The following BTRC variants were observed in gnomAD, a reference collection of about 807,000 sequenced individuals.
BTRC encodes F-box/WD repeat-containing protein 1A.
A neutral mutation model predicts 85.5 loss-of-function variants in BTRC; 42 were observed. The observed-to-expected ratio is 0.49, with a 90% CI of 0.38 to 0.64. The LOEUF (loss-of-function observed/expected upper bound fraction) is 0.64, where lower values mean the gene tolerates loss of function less well. Ranked by LOEUF, BTRC falls within the 30% of genes least tolerant of loss-of-function variation. The pLI, the probability that BTRC is intolerant of heterozygous loss-of-function variation, is 0.00. For missense variants in BTRC, 594 were observed against 743.5 expected (o/e 0.80, Z 2.34); for synonymous variants, 255 against 263.3 (o/e 0.97, Z 0.30).
At chr10:101,483,839 T>C (rs1945911309) in intron 4 of BTRC, among the ~76,000 whole-genome samples, 1 of 152,226 alleles carries the variant, frequency 6.6e-6, no homozygotes, top group Admixed American at 6.5e-5. Flanking sequence ...GCTTATTACT[T>C]GTCAACCTTC....
At chr10:101,397,680 C>G (rs1430110958) in intron 1 of BTRC, among the ~76,000 whole-genome samples, 3 of 152,186 alleles carry the variant, frequency 2.0e-5, no homozygotes, top group South Asian at 2.1e-4. Context: ...TTCCTTTCCT[C>G]TTTCCCCCAT....
chr10:101,447,315 C>T (rs987980586), intron 2 of BTRC, among the ~76,000 whole-genome samples: 1 of 152,146 alleles, frequency 6.6e-6, no homozygotes, highest in African/African-American at 2.4e-5. Context: ...ATGTTGGGAA[C>T]CACTGGCATT....
intron 2 of BTRC, among the ~76,000 whole-genome samples, chr10:101,449,985 A>G (rs958418247): frequency 2.9e-5 from 4 of 139,324 alleles, no homozygotes; most frequent in Non-Finnish European, 6.6e-5. Context: ...TACATTAAGC[A>G]GGATAAAAAT....
chr10:101,392,277 G>A (rs762301484), intron 1 of BTRC, among the ~76,000 whole-genome samples: 11 of 152,194 alleles, frequency 7.2e-5, no homozygotes, highest in Admixed American at 2.6e-4. Flanking sequence ...TGCACCCAGT[G>A]AAAACATTCT....
At chr10:101,537,523 G>A (rs1034459706) in intron 12 of BTRC, among the ~76,000 whole-genome samples, 31 of 152,000 alleles carry the variant, frequency 2.0e-4, no homozygotes, top group Admixed American at 1.4e-3. Flanking sequence ...GCGAGACTCC[G>A]TCTCAAAAAA....
chr10:101,472,211 T>G (rs1222723436), intron 3 of BTRC, among the ~76,000 whole-genome samples: 1 of 152,154 alleles, frequency 6.6e-6, no homozygotes, highest in Non-Finnish European at 1.5e-5. Context: ...TTTCTTTCCA[T>G]ATTTCATTTT....
At chr10:101,357,326 A>G (rs2134460225) in intron 1 of BTRC, among the ~76,000 whole-genome samples, 1 of 150,844 alleles carries the variant, frequency 6.6e-6, no homozygotes, top group East Asian at 2.0e-4. Context: ...CTGTAGTCCC[A>G]GCTACTCGGG....
chr10:101,389,117 GTGTTTTTTTTTTTTTTTTTTTTT>G lies in BTRC; in HGVS notation c.48+34891_48+34913del, dbSNP rs1029695412. Among the ~76,000 whole-genome samples the G allele has an allele frequency of 2.1e-3, 111 of 53,052 alleles. 2 individuals are homozygous for G. Among genetic ancestry groups the G allele is most frequent in the African/African-American group, 8.4e-3 (108 of 12,874 alleles). 34.8% of individuals were successfully genotyped at this position (53,052 alleles called of 152,430 possible). On this transcript the variant is annotated intron_variant, in intron 1 of 14. Transcript: ENST00000370187. ...GTTGCATAATTGTGATTTTTTGTGT[GTGTTTTTTTTTTTTTTTTTTTTT>G]TTTTTTTTGCTGATCTTCCCATACT...
chr10:101,487,525 G>A (rs1324981709), intron 4 of BTRC, among the ~76,000 whole-genome samples: 1 of 152,184 alleles, frequency 6.6e-6, no homozygotes, highest in Non-Finnish European at 1.5e-5. Flanking sequence ...GGCTTTGACA[G>A]TGAGCTGTGT....
chr10:101,540,459 C>G (rs1287732680), intron 13 of BTRC, among the ~76,000 whole-genome samples: 3 of 152,150 alleles, frequency 2.0e-5, no homozygotes, highest in Admixed American at 2.0e-4. Flanking sequence ...GGAATCTGTT[C>G]TGTTCCATTG....
chr10:101,483,853 A>AT (rs1173178115), intron 4 of BTRC, among the ~76,000 whole-genome samples: 2 of 151,922 alleles, frequency 1.3e-5, no homozygotes, highest in Non-Finnish European at 2.9e-5. Context: ...AACCTTCATG[A>AT]TTTTTTTTAA....
rs1334169650 is a variant in BTRC, at chr10:101,460,904, TTTG to T, written c.157-1065_157-1063del. 1.6e-4 allele frequency among the ~76,000 whole-genome samples: 25 copies of T among 152,256 alleles called. No individual in the cohort carries two copies. The South Asian group carries it at 2.5e-3, about 15-fold the overall frequency. On this transcript the variant is annotated intron_variant, in intron 2 of 14. Coordinates refer to ENST00000370187, the MANE Select transcript of BTRC (RefSeq NM_033637.4). ...TAAGGAATATATTAACTGTAAGTTTTTTGTTGTTGTTGTTTTGAGACGGAACCT... is the reference window on the plus strand; with the variant it reads ...TAAGGAATATATTAACTGTAAGTTTTTTGTTGTTGTTTTGAGACGGAACCT...
chr10:101,355,988 T>C (rs1226151475), intron 1 of BTRC, among the ~76,000 whole-genome samples: 1 of 152,208 alleles, frequency 6.6e-6, no homozygotes, highest in African/African-American at 2.4e-5. Flanking sequence ...CTGTTACTGC[T>C]TATTTTTGTT....
chr10:101,438,192 C>T (rs1017370666), intron 2 of BTRC, among the ~76,000 whole-genome samples: 2 of 151,806 alleles, frequency 1.3e-5, no homozygotes, highest in Non-Finnish European at 2.9e-5. Context: ...TTTGGGAGGC[C>T]AAGGAGGGCA....
chr10:101,389,587 T>G (rs1270531818), intron 1 of BTRC, among the ~76,000 whole-genome samples: 1 of 151,058 alleles, frequency 6.6e-6, no homozygotes, highest in Non-Finnish European at 1.5e-5. Flanking sequence ...ACAGTCAAGT[T>G]ACACTGGCCT....
At chr10:101,437,257 T>C (rs1944556027) in intron 2 of BTRC, among the ~76,000 whole-genome samples, 1 of 152,192 alleles carries the variant, frequency 6.6e-6, no homozygotes, top group Non-Finnish European at 1.5e-5. Flanking sequence ...GTTCTCCTAA[T>C]AAAATGAATT....
At chr10:101,375,510 C>CT (rs1339841246) in intron 1 of BTRC, among the ~76,000 whole-genome samples, 3 of 152,238 alleles carry the variant, frequency 2.0e-5, no homozygotes, top group South Asian at 2.1e-4. Flanking sequence ...GACTCATATA[C>CT]AAGGGTATAC....
intron 13 of BTRC, among the ~76,000 whole-genome samples, chr10:101,538,716 GTCCAAAA>G (rs1204452567): frequency 6.6e-6 from 1 of 152,076 alleles, no homozygotes; most frequent in Non-Finnish European, 1.5e-5. Context: ...ATTGGAACCT[GTCCAAAA>G]TCTGAGGACC....
intron 5 of BTRC, among the ~76,000 whole-genome samples, chr10:101,523,131 G>A (rs1172940304): frequency 1.3e-5 from 2 of 152,078 alleles, no homozygotes; most frequent in African/African-American, 4.8e-5. Flanking sequence ...TTGAACCCAG[G>A]AGGCAGAGGT....
Sources: allele counts gnomAD v4.1 joint callset (sites outside exome capture counted in the v4.1 genomes callset), GRCh38; gene constraint gnomAD v4.1.1; transcripts MANE v1.5; gene names NCBI Gene and HGNC (gene_info 2026-07-23, HGNC 2026-07-21).